Variants in ZBTB20 observed in about 807,000 individuals in gnomAD.
The protein encoded by ZBTB20 is zinc finger and BTB domain-containing protein 20.
A neutral mutation model predicts 56.9 loss-of-function variants in ZBTB20; 9 were observed. The observed-to-expected ratio is 0.16, with a 90% CI of 0.10 to 0.28. The LOEUF (loss-of-function observed/expected upper bound fraction) is 0.28. Ranked by LOEUF, ZBTB20 falls within the 10% of genes least tolerant of loss-of-function variation. The pLI, the probability that ZBTB20 is intolerant of heterozygous loss-of-function variation, is 1.00. For missense variants in ZBTB20, 655 were observed against 1,003.0 expected, an observed-to-expected ratio of 0.65 and a Z score of 4.69; for synonymous variants, 417 against 420.7, an observed-to-expected ratio of 0.99 and a Z score of 0.11.
At chr3:114,450,930 G>A (rs1400184509) in intron 7 of ZBTB20, among the ~76,000 whole-genome samples, 1 of 152,058 alleles carries the variant, frequency 6.6e-6, no homozygotes, top group Non-Finnish European at 1.5e-5. Context: ...GGTTTTTAAA[G>A]TATGAATTGC....
intron 4 of ZBTB20, among the ~76,000 whole-genome samples, chr3:114,860,321 T>C (rs1238613740): frequency 6.6e-6 from 1 of 150,588 alleles, no homozygotes. Flanking sequence ...AAAAAAAAAT[T>C]CTGAAATTAC....
At chr3:114,372,494 T>C (rs1167991633) in intron 10 of ZBTB20, among the ~76,000 whole-genome samples, 1 of 152,154 alleles carries the variant, frequency 6.6e-6, no homozygotes, top group African/African-American at 2.4e-5. Context: ...GCATGACACC[T>C]GTAGGTGACT....
intron 11 of ZBTB20, among the ~76,000 whole-genome samples, chr3:114,344,557 A>G (rs1680133448): frequency 6.6e-6 from 1 of 152,216 alleles, no homozygotes; most frequent in Non-Finnish European, 1.5e-5. Context: ...TATGTTATTC[A>G]ATTCAAAGAG....
intron 2 of ZBTB20, among the ~76,000 whole-genome samples, chr3:114,992,600 A>G (rs957886361): frequency 6.6e-6 from 1 of 151,936 alleles, no homozygotes; most frequent in African/African-American, 2.4e-5. Context: ...ATATATCCAT[A>G]TATTTGTCCG....
intron 6 of ZBTB20, among the ~76,000 whole-genome samples, chr3:114,577,820 T>A (rs2107450970): frequency 6.6e-6 from 1 of 152,338 alleles, no homozygotes; most frequent in South Asian, 2.1e-4. Context: ...AGCTGAAAGC[T>A]ACCATTGTAA....
intron 5 of ZBTB20, among the ~76,000 whole-genome samples, chr3:114,772,680 A>C (rs1314632325): frequency 6.6e-6 from 1 of 152,204 alleles, no homozygotes; most frequent in Non-Finnish European, 1.5e-5. Flanking sequence ...TTCTAGATCA[A>C]AAGCACTAGA....
chr3:114,628,763 T>A (rs2058777174), intron 6 of ZBTB20, among the ~76,000 whole-genome samples: 1 of 152,212 alleles, frequency 6.6e-6, no homozygotes, highest in South Asian at 2.1e-4. Flanking sequence ...TAATTTCTGA[T>A]ACAGGATCTC....
intron 4 of ZBTB20, among the ~76,000 whole-genome samples, chr3:114,815,215 A>C (rs576904550): frequency 1.3e-5 from 2 of 152,320 alleles, no homozygotes; most frequent in Middle Eastern, 3.4e-3. Context: ...TCCTTCAGGC[A>C]GATTTTATAT....
intron 2 of ZBTB20, among the ~76,000 whole-genome samples, chr3:115,052,713 A>G (rs1307440005): frequency 6.6e-6 from 1 of 152,178 alleles, no homozygotes; most frequent in Non-Finnish European, 1.5e-5. Flanking sequence ...AATTTAAATT[A>G]CTGAGAGTTT....
Position 114,337,171 on chromosome 3 carries a change from G to A in ZBTB20, c.*1834C>T, listed in dbSNP as rs1423555832. 6.6e-6 allele frequency: 1 copy of A among 152,188 alleles called. No individual in the cohort carries two copies. Among genetic ancestry groups the A allele is most frequent in the Non-Finnish European group, 1.5e-5 (1 of 68,032 alleles). The allele number at this position is 152,188 out of a possible 1,614,324, so 9.4% of individuals were successfully genotyped here. ...AGGGTTAATTCGTCATCTAAAGAAT[G>A]ATCATCTTATTCAGCCCTCTTAACC... On this transcript the variant is annotated 3_prime_UTR_variant, in exon 12 of 12. Transcript: ENST00000675478.
At chr3:114,352,821 A>G (rs1007585326) in intron 10 of ZBTB20, among the ~76,000 whole-genome samples, 1 of 152,206 alleles carries the variant, frequency 6.6e-6, no homozygotes, top group African/African-American at 2.4e-5. Flanking sequence ...TTAGGCCAGG[A>G]TAGCAGGAGT....
intron 7 of ZBTB20, among the ~76,000 whole-genome samples, chr3:114,390,528 C>G (rs888156995): frequency 4.6e-5 from 7 of 152,160 alleles, no homozygotes; most frequent in Non-Finnish European, 8.8e-5. Flanking sequence ...GCTATTCTGC[C>G]TTCTTCACTG....
chr3:114,870,132 T>C (rs2107533423), intron 4 of ZBTB20, among the ~76,000 whole-genome samples: 1 of 152,234 alleles, frequency 6.6e-6, no homozygotes, highest in East Asian at 1.9e-4. Flanking sequence ...AATAACAATG[T>C]TGGCTAATAG....
intron 11 of ZBTB20, among the ~76,000 whole-genome samples, chr3:114,345,156 T>C (rs759650725): frequency 1.1e-4 from 16 of 152,346 alleles, no homozygotes; most frequent in South Asian, 2.1e-4. Flanking sequence ...AATTTTCTTT[T>C]ATTTATTTTA....
At chr3:114,489,897 G>A (rs1319912273) in intron 7 of ZBTB20, among the ~76,000 whole-genome samples, 1 of 152,108 alleles carries the variant, frequency 6.6e-6, no homozygotes, top group Non-Finnish European at 1.5e-5. Context: ...CTCTTTCTAA[G>A]CTATCATTTT....
At chr3:114,910,273 TTA>T (rs1195898706) in intron 3 of ZBTB20, among the ~76,000 whole-genome samples, 1 of 149,672 alleles carries the variant, frequency 6.7e-6, no homozygotes, top group Non-Finnish European at 1.5e-5. Context: ...GGTTAGAAAT[TTA>T]TATAAACATA....
chr3:114,833,352 C>T, intron 4 of ZBTB20, among the ~76,000 whole-genome samples: 1 of 152,114 alleles, frequency 6.6e-6, no homozygotes, highest in East Asian at 1.9e-4. Context: ...TCTGTACAGT[C>T]ATCCCTTAAA....
At chr3:114,613,990 C>T (rs984792711) in intron 6 of ZBTB20, among the ~76,000 whole-genome samples, 2 of 152,112 alleles carry the variant, frequency 1.3e-5, no homozygotes, top group Non-Finnish European at 2.9e-5. Flanking sequence ...TGGTCCCCCA[C>T]CTCCTTCTCC....
At chr3:114,449,650 G>C (rs1289917492) in intron 7 of ZBTB20, among the ~76,000 whole-genome samples, 1 of 147,670 alleles carries the variant, frequency 6.8e-6, no homozygotes, top group African/African-American at 2.5e-5. Flanking sequence ...AGGAGAACCT[G>C]CTTCTTTGTC....
Sources: allele counts gnomAD v4.1 joint callset (sites outside exome capture counted in the v4.1 genomes callset), GRCh38; gene constraint gnomAD v4.1.1; transcripts MANE v1.5; gene names NCBI Gene and HGNC (gene_info 2026-07-23, HGNC 2026-07-21).